The following DDB2 variants were observed in gnomAD, a reference collection of about 807,000 sequenced individuals.
DDB2 encodes DNA damage-binding protein 2.
DDB2 carries 27 observed loss-of-function variants against 50.5 expected under a neutral mutation model. That is an observed-to-expected ratio of 0.53 (90% CI 0.39 to 0.74). The LOEUF (loss-of-function observed/expected upper bound fraction) is 0.74, where lower values mean the gene tolerates loss of function less well. DDB2 is among the 30% of genes least tolerant of loss of function. DDB2 has a pLI of 0.00. For missense variants in DDB2, 424 were observed against 545.6 expected, an observed-to-expected ratio of 0.78 and a Z score of 2.22; for synonymous variants, 176 against 205.5, an observed-to-expected ratio of 0.86 and a Z score of 1.23.
intron 3 of DDB2, among the ~76,000 whole-genome samples, chr11:47,226,894 A>G (rs999920530): frequency 6.6e-6 from 1 of 151,732 alleles, no homozygotes; most frequent in Non-Finnish European, 1.5e-5. Flanking sequence ...GGTGCTCACC[A>G]TCATACCTTG....
chr11:47,216,384 G>T lies in DDB2; in HGVS notation c.176G>T (p.Gly59Val). 1 of 1,614,142 alleles carries T rather than the reference G, an allele frequency of 6.2e-7. No individual in the cohort carries two copies. Among genetic ancestry groups the T allele is most frequent in the African/African-American group, 1.3e-5 (1 of 75,028 alleles). ...GACTGCCTCTGGGTGGGGCTGGCTG[G>T]CCCACAGATCCTGCCACCATGCCGC... is the stretch of plus-strand genomic sequence containing the variant. ...DSDCLWVGLA[G>V]PQILPPCRSI... The change falls in exon 2 of 10, where the codon GGC (glycine) becomes GTC (valine). Residue 59 changes from glycine (G) to valine (V), a missense_variant. Gly to Val is a moderately radical substitution (Grantham distance 109). Coordinates refer to ENST00000256996, the MANE Select transcript of DDB2 (RefSeq NM_000107.3).
At chr11:47,234,482 C>A (rs1953694004) in intron 4 of DDB2, 91 bp from the exon 5 acceptor site, 3 of 953,542 alleles carry the variant, frequency 3.1e-6, no homozygotes, top group Non-Finnish European at 5.2e-6. Flanking sequence ...TTATTGAATG[C>A]CCGCTGTGGG....
At position 47,215,071 on chromosome 11, in the gene DDB2, A is replaced by C. The variant is rs1217371904; in HGVS notation, c.-66A>C. ...TAGTCCCCGCCTTGTTTCTCCCCAG[A>C]GGCCTCTCAATCCTCCCTCCATGAT... On this transcript the variant is annotated 5_prime_UTR_variant, in exon 1 of 10. Transcript: ENST00000256996. 3.1e-6 allele frequency: 5 copies of C among 1,612,144 alleles called. No homozygotes were observed. In the African/African-American group the frequency reaches 6.7e-5, roughly 22 times the overall value.
At chr11:47,226,639 A>C (rs117641284) in intron 3 of DDB2, among the ~76,000 whole-genome samples, 7 of 150,306 alleles carry the variant, frequency 4.7e-5, no homozygotes, top group Non-Finnish European at 1.0e-4. Context: ...TTTCATTTGC[A>C]TTTCTCTAAT....
intron 9 of DDB2, 53 bp from the exon 10 acceptor site, chr11:47,238,747 T>C: frequency 6.2e-7 from 1 of 1,600,900 alleles, no homozygotes; most frequent in Non-Finnish European, 8.6e-7. Context: ...AGCCCCAGGC[T>C]CTGAGAGATT....
chr11:47,237,760 T>G, intron 7 of DDB2, 77 bp from the exon 8 acceptor site: 3 of 1,434,688 alleles, frequency 2.1e-6, no homozygotes, highest in Non-Finnish European at 2.9e-6. Context: ...ATGTTCCTCT[T>G]TGTTCATATT....
rs758199547 is a variant in DDB2 at position 47,235,304 on chromosome 11, C to G, written c.915C>G (p.Thr305=). The part of the protein sequence containing the change: ...CFSPDGARLL[T]TDQKSEIRVY... ...GTCCCGATGGAGCCCGGCTCCTGACCACGGACCAGAAGAGCGAGATCCGAG... is the reference window on the plus strand; with the variant it reads ...GTCCCGATGGAGCCCGGCTCCTGACGACGGACCAGAAGAGCGAGATCCGAG... The change falls in exon 7 of 10, where the codon ACC becomes ACG. Residue 305 remains threonine, a synonymous_variant. Coordinates refer to ENST00000256996, the MANE Select transcript of DDB2 (RefSeq NM_000107.3). The G allele has an allele frequency of 2.5e-6, 4 of 1,614,100 alleles. No individual in the cohort carries two copies. The highest frequency in any genetic ancestry group is 3.4e-6 in the Non-Finnish European group (4 of 1,180,046).
intron 3 of DDB2, among the ~76,000 whole-genome samples, chr11:47,225,208 G>A (rs1953540433): frequency 6.6e-6 from 1 of 150,520 alleles, no homozygotes; most frequent in African/African-American, 2.4e-5. Context: ...CCAAAGTGCT[G>A]GGATTACAGG....
At chr11:47,225,797 A>G (rs1395711909) in intron 3 of DDB2, among the ~76,000 whole-genome samples, 1 of 152,130 alleles carries the variant, frequency 6.6e-6, no homozygotes, top group Non-Finnish European at 1.5e-5. Flanking sequence ...CCTGGCAACC[A>G]CAGTACTACT....
At chr11:47,234,531 T>A in intron 4 of DDB2, 42 bp from the exon 5 acceptor site, 1 of 1,551,728 alleles carries the variant, frequency 6.4e-7, no homozygotes. Flanking sequence ...AATAGGACTA[T>A]CTCTGTCCCC....
rs1269328407 is a variant in DDB2 at position 47,217,062 on chromosome 11, C to G, written c.456+13C>G. On this transcript the variant is annotated intron_variant, in intron 3 of 9. Coordinates refer to ENST00000256996, the MANE Select transcript of DDB2 (RefSeq NM_000107.3). ...CTTCATCAAAGGGGTGAGCAGTTCCCCATGCCAGGTCGTGCTAAAGAAGTG... is the reference window on the plus strand; with the variant it reads ...CTTCATCAAAGGGGTGAGCAGTTCCGCATGCCAGGTCGTGCTAAAGAAGTG... 1 of 1,611,340 alleles carries G rather than the reference C, an allele frequency of 6.2e-7. No homozygotes were observed.
chr11:47,223,505 G>A (rs1013462463), intron 3 of DDB2, among the ~76,000 whole-genome samples: 2 of 151,482 alleles, frequency 1.3e-5, no homozygotes, highest in Non-Finnish European at 2.9e-5. Flanking sequence ...ATAAGGCTGG[G>A]CGCGGTGGCT....
intron 7 of DDB2, chr11:47,237,577 T>G (rs565244075): frequency 1.2e-5 from 5 of 415,278 alleles, no homozygotes; most frequent in Non-Finnish European, 1.8e-5. Flanking sequence ...ACTACAGGCA[T>G]GTACCACCAC....
intron 3 of DDB2, among the ~76,000 whole-genome samples, chr11:47,229,610 C>T (rs1174332636): frequency 1.3e-5 from 2 of 152,034 alleles, no homozygotes; most frequent in African/African-American, 4.8e-5. Context: ...TTTTCACTGT[C>T]AAAGAAGGGA....
chr11:47,235,179 A>AG, intron 6 of DDB2, 91 bp from the exon 7 acceptor site: 1 of 1,551,044 alleles, frequency 6.4e-7, no homozygotes, highest in Non-Finnish European at 8.9e-7. Flanking sequence ...GAGGAGTGGG[A>AG]GGGAGAGTAC....
At chr11:47,221,248 T>G (rs1008775766) in intron 3 of DDB2, among the ~76,000 whole-genome samples, 1 of 151,850 alleles carries the variant, frequency 6.6e-6, no homozygotes, top group African/African-American at 2.4e-5. Context: ...ATCCCCATTT[T>G]CAGCATCCCT....
chr11:47,239,215 T>C lies in DDB2; in HGVS notation c.*366T>C. On this transcript the variant is annotated 3_prime_UTR_variant, in exon 10 of 10. Transcript: ENST00000256996. Reference sequence around the variant, plus strand: ...ATATGGCCAATAAAACCATACCGACTGAGCTTCTGCGTGGATCTTCCAGAA... The same window carrying C: ...ATATGGCCAATAAAACCATACCGACCGAGCTTCTGCGTGGATCTTCCAGAA... 2.8e-6 allele frequency: 1 copy of C among 354,926 alleles called. No individual in the cohort carries two copies. Among genetic ancestry groups the C allele is most frequent in the Non-Finnish European group, 5.3e-6 (1 of 187,312 alleles). The allele number at this position is 354,926 out of a possible 1,614,324, so 22.0% of individuals were successfully genotyped here. A position where few individuals can be genotyped will look rare whatever the true frequency, so the allele number is the denominator to read the frequency against.
rs1301661444 is a variant in DDB2 at position 47,223,110 on chromosome 11, TA to T, written c.456+6062del. ...ACAGTTTTTAAAATTATTTAACTTT[TA>T]TTTTTTAATTGGTAAATTAAAATTG... On this transcript the variant is annotated intron_variant, in intron 3 of 9. Coordinates refer to ENST00000256996, the MANE Select transcript of DDB2 (RefSeq NM_000107.3). 1.1e-4 allele frequency among the ~76,000 whole-genome samples: 16 copies of T among 152,356 alleles called. No homozygotes were observed. In the South Asian group the frequency reaches 3.3e-3, roughly 32 times the overall value.
intron 1 of DDB2, chr11:47,215,847 G>A (rs1049927745): frequency 3.7e-6 from 1 of 270,252 alleles, no homozygotes; most frequent in Non-Finnish European, 7.3e-6. Flanking sequence ...TTGCTTTATT[G>A]CTATTCTAAT....
Sources: allele counts gnomAD v4.1 joint callset (sites outside exome capture counted in the v4.1 genomes callset), GRCh38; gene constraint gnomAD v4.1.1; transcripts MANE v1.5; gene names NCBI Gene and HGNC (gene_info 2026-07-23, HGNC 2026-07-21).